The following RERE variants were observed in gnomAD, a reference collection of about 807,000 sequenced individuals.
The protein encoded by RERE is arginine-glutamic acid dipeptide repeats.
RERE carries 40 observed loss-of-function variants against 146.1 expected under a neutral mutation model. The observed-to-expected ratio is 0.27, with a 90% CI of 0.21 to 0.36. The LOEUF (loss-of-function observed/expected upper bound fraction) is 0.36. Ranked by LOEUF, RERE falls within the 10% of genes least tolerant of loss-of-function variation. RERE has a pLI of 1.00. For synonymous variants in RERE, 1,003 were observed against 866.0 expected (o/e 1.16, Z -2.78); for missense variants, 1,933 against 2,138.7 (o/e 0.90, Z 1.90).
At chr1:8,726,374 C>T (rs1423132815) in intron 1 of RERE, among the ~76,000 whole-genome samples, 2 of 151,932 alleles carry the variant, frequency 1.3e-5, no homozygotes, top group African/African-American at 2.4e-5. Context: ...AGGCTGGTCT[C>T]GAACTCCTGA....
chr1:8,643,175 G>A (rs1189564075), intron 2 of RERE, among the ~76,000 whole-genome samples: 1 of 152,152 alleles, frequency 6.6e-6, no homozygotes. Flanking sequence ...TGGATCAATT[G>A]GCCCCAGGAA....
At chr1:8,617,559 T>C (rs1427458528) in intron 3 of RERE, among the ~76,000 whole-genome samples, 1 of 152,184 alleles carries the variant, frequency 6.6e-6, no homozygotes, top group Non-Finnish European at 1.5e-5. Flanking sequence ...CCTTTTTATA[T>C]GGTACAAGCC....
At chr1:8,507,737 C>CTTTTTTT (rs58647657) in intron 8 of RERE, among the ~76,000 whole-genome samples, 29,662 of 85,440 alleles carry the variant, frequency 0.35, 7,778 homozygotes, top group Non-Finnish European at 0.38. Flanking sequence ...CATCTTTTAT[C>CTTTTTTT]TTTTTTTTTT....
chr1:8,368,470 T>C (rs565054464), intron 12 of RERE, among the ~76,000 whole-genome samples: 112 of 135,348 alleles, frequency 8.3e-4, no homozygotes, highest in African/African-American at 3.0e-3. Context: ...TGAGACTCTG[T>C]CTCAAAGAAA....
chr1:8,371,881 G>C (rs1016386008), intron 12 of RERE, among the ~76,000 whole-genome samples: 1 of 152,202 alleles, frequency 6.6e-6, no homozygotes, highest in African/African-American at 2.4e-5. Context: ...CGACCCAGGG[G>C]CCAAGTGGGT....
intron 10 of RERE, among the ~76,000 whole-genome samples, chr1:8,474,236 C>T (rs1380617251): frequency 5.3e-5 from 8 of 152,184 alleles, no homozygotes. Context: ...TTATATCCTT[C>T]CTCAAAGCTA....
intron 12 of RERE, among the ~76,000 whole-genome samples, chr1:8,370,841 C>T (rs1281498755): frequency 6.6e-6 from 1 of 152,220 alleles, no homozygotes; most frequent in Admixed American, 6.5e-5. Flanking sequence ...AAATCAATAG[C>T]TTACTGAAAC....
chr1:8,406,966 C>T (rs960182768), intron 12 of RERE, among the ~76,000 whole-genome samples: 2 of 152,140 alleles, frequency 1.3e-5, no homozygotes, highest in Admixed American at 6.5e-5. Flanking sequence ...ACCCGACACC[C>T]GAGGTTCAAA....
At chr1:8,391,311 G>A (rs145374360) in intron 12 of RERE, among the ~76,000 whole-genome samples, 3 of 152,106 alleles carry the variant, frequency 2.0e-5, no homozygotes, top group Non-Finnish European at 2.9e-5. Context: ...TCAATGAACC[G>A]ATGTATGTAA....
chr1:8,404,233 C>T (rs914601745), intron 12 of RERE, among the ~76,000 whole-genome samples: 6 of 151,840 alleles, frequency 4.0e-5, no homozygotes, highest in African/African-American at 9.7e-5. Context: ...ATTGAGACCA[C>T]GGTGAAACCC....
chr1:8,490,454 G>A (rs1259190099), intron 10 of RERE, among the ~76,000 whole-genome samples: 2 of 150,284 alleles, frequency 1.3e-5, no homozygotes, highest in African/African-American at 5.0e-5. Flanking sequence ...TGAGAGAACT[G>A]AAGATAAATG....
At chr1:8,687,733 A>T (rs1639122414) in intron 1 of RERE, among the ~76,000 whole-genome samples, 1 of 152,250 alleles carries the variant, frequency 6.6e-6, no homozygotes, top group Admixed American at 6.5e-5. Flanking sequence ...GAAGGGAGTC[A>T]TCAGTCATTG....
chr1:8,490,811 T>C (rs1017742122), intron 10 of RERE, among the ~76,000 whole-genome samples: 2 of 150,564 alleles, frequency 1.3e-5, no homozygotes, highest in African/African-American at 5.0e-5. Context: ...AGAAAATGAT[T>C]ATAAGAGGCC....
intron 1 of RERE, among the ~76,000 whole-genome samples, chr1:8,775,105 C>T (rs1285539586): frequency 2.6e-5 from 4 of 151,842 alleles, no homozygotes; most frequent in South Asian, 4.2e-4. Flanking sequence ...GGATTACAGG[C>T]GCACGCCACC....
intron 3 of RERE, among the ~76,000 whole-genome samples, chr1:8,617,923 C>T (rs1646873470): frequency 6.6e-6 from 1 of 152,226 alleles, no homozygotes; most frequent in African/African-American, 2.4e-5. Context: ...CTATACATTA[C>T]ACACTGCAGG....
chr1:8,627,656 G>GT (rs1646990982), intron 2 of RERE, among the ~76,000 whole-genome samples: 1 of 150,192 alleles, frequency 6.7e-6, no homozygotes, highest in Non-Finnish European at 1.5e-5. Flanking sequence ...GACTACGCAT[G>GT]TTTTTCTTTT....
intron 1 of RERE, among the ~76,000 whole-genome samples, chr1:8,703,461 C>T (rs1369666178): frequency 6.6e-6 from 1 of 151,798 alleles, no homozygotes; most frequent in East Asian, 1.9e-4. Flanking sequence ...GCCGGCAAAA[C>T]CCGGGCTGGA....
At chr1:8,470,278 T>C (rs1227294674) in intron 10 of RERE, among the ~76,000 whole-genome samples, 5 of 152,174 alleles carry the variant, frequency 3.3e-5, no homozygotes. Context: ...TTCTTTCTTT[T>C]TGGAGATGGA....
intron 8 of RERE, among the ~76,000 whole-genome samples, chr1:8,501,376 A>G (rs867869283): frequency 1.5e-3 from 76 of 49,602 alleles, no homozygotes; most frequent in Admixed American, 3.1e-3. Flanking sequence ...GTCCGGGAGG[A>G]AGGTGGGGGG....
Sources: allele counts gnomAD v4.1 joint callset (sites outside exome capture counted in the v4.1 genomes callset), GRCh38; gene constraint gnomAD v4.1.1; transcripts MANE v1.5; gene names NCBI Gene and HGNC (gene_info 2026-07-23, HGNC 2026-07-21).